SAMD12: variants seen among roughly 807,000 people sequenced by gnomAD.
SAMD12 encodes the protein sterile alpha motif domain containing 12, also known as sterile alpha motif domain-containing protein 12.
SAMD12 carries 9 observed loss-of-function variants against 15.0 expected under a neutral mutation model. The observed-to-expected ratio is 0.60, with a 90% CI of 0.36 to 1.05. The LOEUF is 1.05. SAMD12 is among the 50% of genes least tolerant of loss of function. The probability of loss-of-function intolerance (pLI) is 0.01; values close to 1 mark genes in which losing one functional copy is unlikely to be tolerated. For missense variants in SAMD12, 230 were observed against 234.2 expected (o/e 0.98, Z 0.12); for synonymous variants, 86 against 90.1 (o/e 0.96, Z 0.25).
intron 4 of SAMD12, among the ~76,000 whole-genome samples, chr8:118,267,265 G>A (rs1243276923): frequency 3.3e-5 from 5 of 152,022 alleles, no homozygotes; most frequent in African/African-American, 1.2e-4. Context: ...TTTTGAAGAA[G>A]GTAGGTTACT....
At chr8:118,515,219 G>C (rs144363274) in intron 2 of SAMD12, among the ~76,000 whole-genome samples, 2 of 112,186 alleles carry the variant, frequency 1.8e-5, no homozygotes, top group African/African-American at 6.6e-5. Flanking sequence ...ATTTTCAGTA[G>C]AGATGGGGTT....
At chr8:118,214,541 T>G (rs1034507756) in intron 4 of SAMD12, among the ~76,000 whole-genome samples, 2 of 152,224 alleles carry the variant, frequency 1.3e-5, no homozygotes, top group Admixed American at 1.3e-4. Flanking sequence ...ATCTATATCT[T>G]CTTTGTCTCA....
chr8:118,435,364 A>C (rs1030595302), intron 3 of SAMD12, among the ~76,000 whole-genome samples: 1 of 152,150 alleles, frequency 6.6e-6, no homozygotes, highest in African/African-American at 2.4e-5. Flanking sequence ...AAAAAAATTA[A>C]ACTTTATCAT....
chr8:118,619,968 T>C (rs1828350098), intron 1 of SAMD12, among the ~76,000 whole-genome samples: 1 of 152,196 alleles, frequency 6.6e-6, no homozygotes, highest in African/African-American at 2.4e-5. Context: ...CCTTCATTCT[T>C]TGAGACCTCA....
At chr8:118,586,396 G>A (rs1018088545) in intron 1 of SAMD12, among the ~76,000 whole-genome samples, 5 of 146,760 alleles carry the variant, frequency 3.4e-5, no homozygotes, top group African/African-American at 1.0e-4. Context: ...AGGCCGGAGT[G>A]CAGTGGTGTG....
chr8:118,562,646 C>G (rs967420240), intron 2 of SAMD12, among the ~76,000 whole-genome samples: 132 of 152,298 alleles, frequency 8.7e-4, no homozygotes, highest in African/African-American at 3.1e-3. Context: ...TTACGGACTA[C>G]AGTTCCAGCA....
In SAMD12 at chr8:118,550,529, C is replaced by T. The variant is rs1481301688; in HGVS notation, c.192+30186G>A. 4.1e-4 allele frequency among the ~76,000 whole-genome samples: 62 copies of T among 152,200 alleles called. 1 individual carries two copies. Among genetic ancestry groups the T allele is most frequent in the Non-Finnish European group, 6.5e-4 (44 of 68,010 alleles). On this transcript the variant is annotated intron_variant, in intron 2 of 3. Coordinates refer to ENST00000314727, the MANE Select transcript of SAMD12 (RefSeq NM_207506.3). ...GCCCTAAAAGAGCTCCTGAAGGAAG[C>T]ACTAAACATGGAAAGGAACAACCGG...
chr8:118,526,835 A>T (rs1384413428), intron 2 of SAMD12, among the ~76,000 whole-genome samples: 1 of 152,206 alleles, frequency 6.6e-6, no homozygotes, highest in Non-Finnish European at 1.5e-5. Context: ...GAACAGAAAA[A>T]GGAAGACGTA....
chr8:118,497,470 A>G (rs1431094768), intron 2 of SAMD12, among the ~76,000 whole-genome samples: 1 of 152,228 alleles, frequency 6.6e-6, no homozygotes, highest in Non-Finnish European at 1.5e-5. Flanking sequence ...GCAGGAATAG[A>G]AAACCAAATG....
chr8:118,589,724 A>C (rs937889974), intron 1 of SAMD12, among the ~76,000 whole-genome samples: 36 of 152,212 alleles, frequency 2.4e-4, no homozygotes, highest in Admixed American at 2.1e-3. Flanking sequence ...AATATTTTTA[A>C]CTATGATACT....
At chr8:118,137,141 C>T in the SAMD12 span, among the ~76,000 whole-genome samples, 15 of 152,184 alleles carry the variant, frequency 9.9e-5, no homozygotes, top group Admixed American at 9.8e-4. Flanking sequence ...GTCCAAACAC[C>T]CCCTAGTGGT....
intron 3 of SAMD12, 44 bp downstream of exon 3, chr8:118,439,788 G>C (rs1263039306): frequency 1.9e-6 from 3 of 1,596,746 alleles, no homozygotes; most frequent in Non-Finnish European, 2.6e-6. Context: ...TCGTGACTGG[G>C]AGAAAGAAAA....
chr8:118,375,429 A>G (rs2130696577), downstream of SAMD12, among the ~76,000 whole-genome samples: 3 of 152,252 alleles, frequency 2.0e-5, no homozygotes, highest in Middle Eastern at 0.01. Context: ...TTAAGTGGGT[A>G]AGTTGTATGT....
chr8:118,466,082 C>G (rs1823586526), intron 2 of SAMD12, among the ~76,000 whole-genome samples: 1 of 152,164 alleles, frequency 6.6e-6, no homozygotes, highest in Non-Finnish European at 1.5e-5. Context: ...CTCTATTACA[C>G]TCATAACTAA....
chr8:118,431,520 T>C (rs4375037), intron 3 of SAMD12, among the ~76,000 whole-genome samples: 88,483 of 151,784 alleles, frequency 0.58, 26,718 homozygotes, highest in Admixed American at 0.66. Flanking sequence ...ATAGAATTGG[T>C]CATTTTTTTT....
chr8:118,201,007 C>T (rs570567083), intron 4 of SAMD12, among the ~76,000 whole-genome samples: 1 of 152,186 alleles, frequency 6.6e-6, no homozygotes, highest in Non-Finnish European at 1.5e-5. Flanking sequence ...ACCCTTGAAC[C>T]TTAATCTTTC....
At chr8:118,543,631 C>CTTTTTTTTTCT (rs1388816858) in intron 2 of SAMD12, among the ~76,000 whole-genome samples, 9 of 116,624 alleles carry the variant, frequency 7.7e-5, no homozygotes, top group Non-Finnish European at 1.4e-4. Context: ...TTCTTTCTTT[C>CTTTTTTTTTCT]TTTTTTTTTT....
chr8:118,449,314 G>T (rs1823007517), intron 2 of SAMD12, among the ~76,000 whole-genome samples: 1 of 151,890 alleles, frequency 6.6e-6, no homozygotes, highest in Non-Finnish European at 1.5e-5. Flanking sequence ...ACCTGCCTTG[G>T]CCTCCCAAAG....
chr8:118,457,838 T>C (rs543111769), intron 2 of SAMD12, among the ~76,000 whole-genome samples: 5 of 152,258 alleles, frequency 3.3e-5, no homozygotes, highest in African/African-American at 1.2e-4. Flanking sequence ...AGCACACACA[T>C]GTCTTGGCCA....
Sources: allele counts gnomAD v4.1 joint callset (sites outside exome capture counted in the v4.1 genomes callset), GRCh38; gene constraint gnomAD v4.1.1; transcripts MANE v1.5; gene names NCBI Gene and HGNC (gene_info 2026-07-23, HGNC 2026-07-21).